Variants in SBSPON observed in about 807,000 individuals in gnomAD.
The protein encoded by SBSPON is somatomedin B and thrombospondin type 1 domain containing, also known as somatomedin-B and thrombospondin type-1 domain-containing protein.
SBSPON carries 30 observed loss-of-function variants against 35.8 expected under a neutral mutation model. The ratio of observed to expected loss-of-function variants is 0.84; its 90% CI spans 0.63 to 1.14. The LOEUF is 1.14. Ranked by LOEUF, SBSPON falls within the 50% of genes most tolerant of loss-of-function variation. The pLI is 0.00. For synonymous variants in SBSPON, 136 were observed against 135.9 expected, an observed-to-expected ratio of 1.00 and a Z score of 0.00; for missense variants, 364 against 357.7, an observed-to-expected ratio of 1.02 and a Z score of -0.14.
intron 2 of SBSPON, among the ~76,000 whole-genome samples, chr8:73,075,931 A>G (rs1171060519): frequency 6.6e-6 from 1 of 152,266 alleles, no homozygotes; most frequent in Non-Finnish European, 1.5e-5. Flanking sequence ...AAATATAATT[A>G]TGGTATGCAT....
intron 1 of SBSPON, among the ~76,000 whole-genome samples, chr8:73,084,132 T>C (rs1047902701): frequency 1.3e-5 from 2 of 152,226 alleles, no homozygotes; most frequent in Non-Finnish European, 2.9e-5. Flanking sequence ...TTTCAGCTCA[T>C]TGGAGAGTGA....
At chr8:73,071,613 A>G (rs1220984812) in intron 3 of SBSPON, among the ~76,000 whole-genome samples, 167 bp downstream of exon 3, 2 of 152,232 alleles carry the variant, frequency 1.3e-5, no homozygotes, top group African/African-American at 4.8e-5. Flanking sequence ...CACAAAAACC[A>G]GGAGGGGACA....
intron 1 of SBSPON, among the ~76,000 whole-genome samples, chr8:73,086,246 C>T (rs1390793429): frequency 3.3e-5 from 5 of 151,986 alleles, no homozygotes; most frequent in African/African-American, 9.7e-5. Flanking sequence ...CTGCAACCTC[C>T]GCCTCCTGAG....
chr8:73,065,284 AC>A lies in SBSPON; in HGVS notation c.*2056del. 6.6e-6 allele frequency: 1 copy of A among 152,308 alleles called. No homozygotes were observed. Among genetic ancestry groups the A allele is most frequent in the Non-Finnish European group, 1.5e-5 (1 of 68,032 alleles). 9.4% of individuals were successfully genotyped at this position (152,308 alleles called of 1,614,324 possible). Reference sequence around the variant, plus strand: ...GTTAAATGTTATAACACATATCGGAACTATAAAAGCACCATTGCTTTATTGC... The same window carrying A: ...GTTAAATGTTATAACACATATCGGAATATAAAAGCACCATTGCTTTATTGC... On this transcript the variant is annotated 3_prime_UTR_variant, in exon 5 of 5. Coordinates refer to ENST00000297354, the MANE Select transcript of SBSPON (RefSeq NM_153225.4).
rs1014421178 is a variant in SBSPON, at chr8:73,067,142, G to A, written c.*199C>T. ...AAAACCACAAGAGCTTTTTGAGTGGGTCTTCAACTTAGTTAAAATAAAAAT... is the reference window on the plus strand; with the variant it reads ...AAAACCACAAGAGCTTTTTGAGTGGATCTTCAACTTAGTTAAAATAAAAAT... On this transcript the variant is annotated 3_prime_UTR_variant, in exon 5 of 5. Coordinates refer to ENST00000297354, the MANE Select transcript of SBSPON (RefSeq NM_153225.4). The A allele has an allele frequency of 6.5e-6, 3 of 462,332 alleles. No individual in the cohort carries two copies. The Admixed American group carries it at 1.0e-4, about 16-fold the overall frequency. 28.6% of individuals were successfully genotyped at this position (462,332 alleles called of 1,614,324 possible). A position where few individuals can be genotyped will look rare whatever the true frequency, so the allele number is the denominator to read the frequency against.
At chr8:73,084,534 A>T (rs1339392351) in intron 1 of SBSPON, among the ~76,000 whole-genome samples, 1 of 151,990 alleles carries the variant, frequency 6.6e-6, no homozygotes, top group Non-Finnish European at 1.5e-5. Context: ...CCTCTGCTCC[A>T]AGTTCAGCCA....
At chr8:73,078,557 C>T (rs1218019513) in intron 2 of SBSPON, among the ~76,000 whole-genome samples, 1 of 152,016 alleles carries the variant, frequency 6.6e-6, no homozygotes, top group African/African-American at 2.4e-5. Flanking sequence ...ACTGAAGAGC[C>T]CGATGTGCTG....
rs73316109 is a variant in SBSPON at position 73,084,108 on chromosome 8, G to T, written c.215-2895C>A. Among the ~76,000 whole-genome samples, 360 of 152,358 alleles carry T rather than the reference G, an allele frequency of 2.4e-3. 3 individuals carry two copies. The highest frequency in any genetic ancestry group is 8.3e-3 in the African/African-American group (347 of 41,588). ...GCTAAAAGCTCTGCTGAAGGTCTGG[G>T]GGGCACCCCTGGCTTTCAGCTCATT... On this transcript the variant is annotated intron_variant, in intron 1 of 4. Transcript: ENST00000297354.
chr8:73,086,335 T>C (rs1810825409), intron 1 of SBSPON, among the ~76,000 whole-genome samples: 1 of 152,110 alleles, frequency 6.6e-6, no homozygotes, highest in Non-Finnish European at 1.5e-5. Flanking sequence ...TAATTTTTTG[T>C]ATTTTTAGTA....
intron 4 of SBSPON, among the ~76,000 whole-genome samples, chr8:73,069,421 G>A (rs1436834461): frequency 2.6e-5 from 4 of 152,162 alleles, no homozygotes; most frequent in East Asian, 3.9e-4. Context: ...ACAGGCATGC[G>A]CCACCATGCC....
At chr8:73,072,495 C>A (rs1020633090) in intron 2 of SBSPON, among the ~76,000 whole-genome samples, 120 of 152,210 alleles carry the variant, frequency 7.9e-4, no homozygotes, top group African/African-American at 2.7e-3. Context: ...ATGGCAAAAC[C>A]CTGTCTCTAC....
rs542420327 is a variant in SBSPON, at chr8:73,083,090, TC to T, written c.215-1878del. Among the ~76,000 whole-genome samples, 879 of 152,334 alleles carry T rather than the reference TC, an allele frequency of 5.8e-3. 8 individuals carry two copies. Among genetic ancestry groups the T allele is most frequent in the Middle Eastern group, 0.017 (5 of 294 alleles). ...CTGACTGAACTTAGCCTCCCAGGAT[TC>T]CATCGTCATATGTGTCTCTTGTCTA... On this transcript the variant is annotated intron_variant, in intron 1 of 4. Coordinates refer to ENST00000297354, the MANE Select transcript of SBSPON (RefSeq NM_153225.4).
chr8:73,082,862 C>CT (rs1300322631), intron 1 of SBSPON, among the ~76,000 whole-genome samples: 1 of 152,212 alleles, frequency 6.6e-6, no homozygotes, highest in African/African-American at 2.4e-5. Flanking sequence ...CACCTTCAGC[C>CT]TTGAGTCTAG....
chr8:73,087,051 G>A (rs938171747), intron 1 of SBSPON, among the ~76,000 whole-genome samples: 2 of 152,154 alleles, frequency 1.3e-5, no homozygotes, highest in African/African-American at 4.8e-5. Flanking sequence ...AGTTTATGCA[G>A]ACAGGCAAGA....
chr8:73,066,144 A>T lies in SBSPON; in HGVS notation c.*1197T>A, dbSNP rs534187982. On this transcript the variant is annotated 3_prime_UTR_variant, in exon 5 of 5. Coordinates refer to ENST00000297354, the MANE Select transcript of SBSPON (RefSeq NM_153225.4). ...AATTGAAACCAAAGAAATCTCATGT[A>T]GTTTACATCTCAAGACTCAATTCTC... is the stretch of plus-strand genomic sequence containing the variant. 1 of 152,316 alleles carries T rather than the reference A, an allele frequency of 6.6e-6. No homozygotes were observed. Among genetic ancestry groups the T allele is most frequent in the Admixed American group, 6.5e-5 (1 of 15,302 alleles). The allele number at this position is 152,316 out of a possible 1,614,324, so 9.4% of individuals were successfully genotyped here. A position where few individuals can be genotyped will look rare whatever the true frequency, so the allele number is the denominator to read the frequency against.
intron 1 of SBSPON, chr8:73,085,715 A>G (rs1810811301): frequency 6.6e-6 from 1 of 152,158 alleles, no homozygotes; most frequent in African/African-American, 2.4e-5. Flanking sequence ...ATTTTTTCAA[A>G]TGCTTTTCTA....
rs1810386052 is a variant in SBSPON, at chr8:73,066,263, A to C, written c.*1078T>G. On this transcript the variant is annotated 3_prime_UTR_variant, in exon 5 of 5. Coordinates refer to ENST00000297354, the MANE Select transcript of SBSPON (RefSeq NM_153225.4). ...TTTGGCAAAGTCAGGCTTTTCATGG[A>C]GTTCTGGTTGAGGAGTCCAAATTTG... 6.6e-6 allele frequency: 1 copy of C among 152,088 alleles called. No homozygotes were observed. The highest frequency in any genetic ancestry group is 2.1e-4 in the South Asian group (1 of 4,822). 9.4% of individuals were successfully genotyped at this position (152,088 alleles called of 1,614,324 possible). A position where few individuals can be genotyped will look rare whatever the true frequency, so the allele number is the denominator to read the frequency against.
chr8:73,067,155 TTAAAA>T lies in SBSPON; in HGVS notation c.*181_*185del, dbSNP rs1469212820. ...CTTTTTGAGTGGGTCTTCAACTTAG[TTAAAA>T]TAAAAATAAAGGACCTGTGTTCCTT... On this transcript the variant is annotated 3_prime_UTR_variant, in exon 5 of 5. Transcript: ENST00000297354. 3 of 480,506 alleles carry T rather than the reference TTAAAA, an allele frequency of 6.2e-6. No individual in the cohort carries two copies. The highest frequency in any genetic ancestry group is 1.1e-5 in the Non-Finnish European group (3 of 266,198). 29.8% of individuals were successfully genotyped at this position (480,506 alleles called of 1,614,324 possible).
Position 73,070,000 on chromosome 8 carries a change from C to A in SBSPON, c.501-19G>T, listed in dbSNP as rs761590765. On this transcript the variant is annotated intron_variant, in intron 3 of 4. Transcript: ENST00000297354. ...ACAGTATCTACAGCAAAAGAAGTAA[C>A]AATGACACTTGCTGTAATGAGCAGT... The A allele has an allele frequency of 6.7e-7, 1 of 1,494,208 alleles. No homozygotes were observed. Among genetic ancestry groups the A allele is most frequent in the Admixed American group, 2.0e-5 (1 of 49,364 alleles). The allele number at this position is 1,494,208 out of a possible 1,614,324, so 92.6% of individuals were successfully genotyped here.
Sources: allele counts gnomAD v4.1 joint callset (sites outside exome capture counted in the v4.1 genomes callset), GRCh38; gene constraint gnomAD v4.1.1; transcripts MANE v1.5; gene names NCBI Gene and HGNC (gene_info 2026-07-23, HGNC 2026-07-21).